Variants in POLDIP3 observed in about 807,000 individuals in gnomAD.
POLDIP3 encodes the protein polymerase delta-interacting protein 3.
In POLDIP3, 14 loss-of-function variants were observed where a neutral mutation model predicts 45.1. The ratio of observed to expected loss-of-function variants is 0.31; its 90% CI spans 0.20 to 0.49. The LOEUF is 0.49. POLDIP3 is among the 20% of genes least tolerant of loss of function. The pLI, the probability that POLDIP3 is intolerant of heterozygous loss-of-function variation, is 0.99. For missense variants in POLDIP3, 511 were observed against 538.8 expected (o/e 0.95, Z 0.51); for synonymous variants, 223 against 205.2 (o/e 1.09, Z -0.74).
At position 42,599,790 on chromosome 22, in the gene POLDIP3, A is replaced by G. The variant is rs1313489581; in HGVS notation, c.541T>C (p.Leu181=). 1 of 1,596,084 alleles carries G rather than the reference A, an allele frequency of 6.3e-7. No individual in the cohort carries two copies. The highest frequency in any genetic ancestry group is 8.6e-7 in the Non-Finnish European group (1 of 1,164,646). The change falls in exon 4 of 9, where the codon TTA becomes CTA. Residue 181 remains leucine, a synonymous_variant. Coordinates refer to ENST00000252115, the MANE Select transcript of POLDIP3 (RefSeq NM_032311.5). ...VVNNHQAKQN[L]YDLDEDDDGI... is the part of the protein sequence containing the mutation. ...TCATCATCTTCATCCAGGTCATATA[A>G]ATTCTGAGAATATAACATAAAGAAA...
At chr22:42,611,596 G>A (rs2146839570) in intron 1 of POLDIP3, among the ~76,000 whole-genome samples, 1 of 152,342 alleles carries the variant, frequency 6.6e-6, no homozygotes, top group Non-Finnish European at 1.5e-5. Context: ...TAGGCAGTAT[G>A]TAAAATAGCA....
chr22:42,596,541 G>A lies in POLDIP3; in HGVS notation c.634-176C>T, dbSNP rs1926006263. Among the ~76,000 whole-genome samples the A allele has an allele frequency of 2.0e-5, 3 of 152,160 alleles. No individual in the cohort carries two copies. The South Asian group carries it at 6.2e-4, about 32-fold the overall frequency. On this transcript the variant is annotated intron_variant, in intron 4 of 8. Transcript: ENST00000252115. ...GCTGCCAGTGACATCCCATAGGGAA[G>A]GGGCAGGGGGAGAGAAAAACACACA...
chr22:42,585,887 A>AG lies in POLDIP3; in HGVS notation c.1169dup (p.Ala391CysfsTer6), dbSNP rs1346122305. ...GGATGGTGTCAGGGTCCACTTCGGC[A>AG]GGGGGGTTGGAGGAGGAGGCAGAGT... On this transcript the variant is annotated frameshift_variant, in exon 9 of 9. Coordinates refer to ENST00000252115, the MANE Select transcript of POLDIP3 (RefSeq NM_032311.5). LOFTEE classifies it high-confidence loss of function. 1 of 1,613,366 alleles carries AG rather than the reference A, an allele frequency of 6.2e-7. No individual in the cohort carries two copies. Among genetic ancestry groups the AG allele is most frequent in the African/African-American group, 1.3e-5 (1 of 75,008 alleles).
chr22:42,584,014 C>G lies in POLDIP3; in HGVS notation c.*1777G>C, dbSNP rs1318989143. ...TGGACTCAATGAAACTCTGTGACAA[C>G]CAGAAGATACCTGCTTTGGGATGAG... On this transcript the variant is annotated 3_prime_UTR_variant, in exon 9 of 9. Coordinates refer to ENST00000252115, the MANE Select transcript of POLDIP3 (RefSeq NM_032311.5). The G allele has an allele frequency of 6.6e-6, 1 of 152,352 alleles. No individual in the cohort carries two copies. Among genetic ancestry groups the G allele is most frequent in the African/African-American group, 2.4e-5 (1 of 41,428 alleles). The allele number at this position is 152,352 out of a possible 1,614,324, so 9.4% of individuals were successfully genotyped here. A position where few individuals can be genotyped will look rare whatever the true frequency, so the allele number is the denominator to read the frequency against.
At chr22:42,598,749 T>A (rs1926161490) in intron 4 of POLDIP3, among the ~76,000 whole-genome samples, 1 of 152,052 alleles carries the variant, frequency 6.6e-6, no homozygotes, top group Non-Finnish European at 1.5e-5. Flanking sequence ...CAAAACTGAG[T>A]CTTTGAGCGT....
chr22:42,599,197 T>C (rs1301166840), intron 4 of POLDIP3, among the ~76,000 whole-genome samples: 1 of 152,200 alleles, frequency 6.6e-6, no homozygotes, highest in Non-Finnish European at 1.5e-5. Flanking sequence ...CTGTGGGACC[T>C]TGAACAAATC....
At chr22:42,597,027 A>G (rs995188336) in intron 4 of POLDIP3, among the ~76,000 whole-genome samples, 20 of 152,132 alleles carry the variant, frequency 1.3e-4, no homozygotes, top group South Asian at 4.1e-4. Flanking sequence ...CACTCTTAAG[A>G]AGGCCCAGAA....
At chr22:42,606,338 T>A (rs1015897133) in intron 1 of POLDIP3, among the ~76,000 whole-genome samples, 1 of 151,316 alleles carries the variant, frequency 6.6e-6, no homozygotes, top group African/African-American at 2.4e-5. Flanking sequence ...ACGGGCAACA[T>A]AGCGAGACTC....
intron 1 of POLDIP3, among the ~76,000 whole-genome samples, chr22:42,613,871 G>A (rs902879312): frequency 6.6e-6 from 1 of 152,204 alleles, no homozygotes; most frequent in African/African-American, 2.4e-5. Context: ...TAAACTTAAT[G>A]TGTGTTGGGA....
Position 42,599,685 on chromosome 22 carries a change from T to C in POLDIP3, c.633+13A>G, listed in dbSNP as rs2146818371. The C allele has an allele frequency of 6.4e-7, 1 of 1,570,668 alleles. No individual in the cohort carries two copies. Among genetic ancestry groups the C allele is most frequent in the Non-Finnish European group, 8.8e-7 (1 of 1,141,012 alleles). On this transcript the variant is annotated intron_variant, in intron 4 of 8. Transcript: ENST00000252115. ...ATCAGACACGCAGTGTAAGAAAACA[T>C]GAAATGCCATACCATGTGGTGGAGA... is the stretch of plus-strand genomic sequence containing the variant.
At chr22:42,613,008 C>G (rs1927219359) in intron 1 of POLDIP3, among the ~76,000 whole-genome samples, 1 of 152,094 alleles carries the variant, frequency 6.6e-6, no homozygotes, top group African/African-American at 2.4e-5. Flanking sequence ...ACATAACCAC[C>G]CCCCATTCCT....
intron 8 of POLDIP3, among the ~76,000 whole-genome samples, chr22:42,587,261 A>G (rs953899406): frequency 2.0e-5 from 3 of 152,212 alleles, no homozygotes; most frequent in Non-Finnish European, 2.9e-5. Context: ...TTCCACTCAG[A>G]TATTTCTAAA....
At position 42,585,815 on chromosome 22, in the gene POLDIP3, G is replaced by C; in HGVS notation, c.1242C>G (p.Pro414=). The C allele has an allele frequency of 1.2e-6, 2 of 1,612,380 alleles. No homozygotes were observed. Among genetic ancestry groups the C allele is most frequent in the Non-Finnish European group, 1.7e-6 (2 of 1,179,818 alleles). The change falls in exon 9 of 9, where the codon CCC becomes CCG. Residue 414 remains proline, a synonymous_variant. Coordinates refer to ENST00000252115, the MANE Select transcript of POLDIP3 (RefSeq NM_032311.5). ...KSSGASVTTQ[P]TEFKIKL ...CTCAAAGCTTGATTTTGAATTCTGTGGGCTGCGTGGTCACAGAGGCCCCTG... is the reference window on the plus strand; with the variant it reads ...CTCAAAGCTTGATTTTGAATTCTGTCGGCTGCGTGGTCACAGAGGCCCCTG...
chr22:42,607,036 G>A (rs777413380), intron 1 of POLDIP3, among the ~76,000 whole-genome samples: 2 of 152,292 alleles, frequency 1.3e-5, no homozygotes, highest in East Asian at 1.9e-4. Flanking sequence ...AGGCCAAGGC[G>A]GGCAGATCGC....
intron 7 of POLDIP3, among the ~76,000 whole-genome samples, chr22:42,588,126 A>G (rs1601881185): frequency 6.6e-6 from 1 of 152,180 alleles, no homozygotes; most frequent in African/African-American, 2.4e-5. Context: ...ATATTGGGGA[A>G]AAAATGTGAA....
Position 42,584,416 on chromosome 22 carries a change from C to T in POLDIP3, c.*1375G>A, listed in dbSNP as rs1201615379. The T allele has an allele frequency of 6.2e-6, 1 of 160,690 alleles. No homozygotes were observed. Among genetic ancestry groups the T allele is most frequent in the African/African-American group, 2.4e-5 (1 of 41,372 alleles). 10.0% of individuals were successfully genotyped at this position (160,690 alleles called of 1,614,324 possible). On this transcript the variant is annotated 3_prime_UTR_variant, in exon 9 of 9. Transcript: ENST00000252115. ...AAACATGAGTCTCTGGTTTTTTTCA[C>T]TGGGCTAGCCTCAAGCAAATCTTGG... is the stretch of plus-strand genomic sequence containing the variant.
At chr22:42,595,470 G>A in intron 6 of POLDIP3, 67 bp downstream of exon 6, 1 of 1,410,062 alleles carries the variant, frequency 7.1e-7, no homozygotes, top group South Asian at 1.2e-5. Flanking sequence ...CCTGAGGGTG[G>A]GTCTTAAGAG....
chr22:42,597,582 A>G lies in POLDIP3; in HGVS notation c.634-1217T>C, dbSNP rs1926072838. 7 of 389,584 alleles carry G rather than the reference A, an allele frequency of 1.8e-5. No individual in the cohort carries two copies. In the Admixed American group the frequency reaches 2.5e-4, roughly 14 times the overall value. 24.1% of individuals were successfully genotyped at this position (389,584 alleles called of 1,614,324 possible). On this transcript the variant is annotated intron_variant, in intron 4 of 8. Transcript: ENST00000252115. ...TGTCCCTCATCCATCAACGAGGGTA[A>G]TCAACAGTACCCATCTCACAGGGTA...
In POLDIP3 at chr22:42,603,130, G is replaced by A. The variant is rs773201599; in HGVS notation, c.90C>T (p.Val30=). 3.1e-6 allele frequency: 5 copies of A among 1,614,044 alleles called. No homozygotes were observed. Among genetic ancestry groups the A allele is most frequent in the Non-Finnish European group, 3.4e-6 (4 of 1,179,994 alleles). The change falls in exon 2 of 9, where the codon GTC becomes GTT. Residue 30 remains valine (V), a synonymous_variant. Transcript: ENST00000252115. The part of the protein sequence containing the change: ...RLNARPGVGG[V]RSRVGIQQGL... ...CTTGCTGGATCCCAACTCGAGATCG[G>A]ACACCTCCAACTCCCGGTCTGGCAT... is the stretch of plus-strand genomic sequence containing the variant.
Sources: allele counts gnomAD v4.1 joint callset (sites outside exome capture counted in the v4.1 genomes callset), GRCh38; gene constraint gnomAD v4.1.1; transcripts MANE v1.5; gene names NCBI Gene and HGNC (gene_info 2026-07-23, HGNC 2026-07-21).